Variants in RAD51B observed in about 807,000 individuals in gnomAD.
RAD51B encodes the protein DNA repair protein RAD51 homolog 2.
In RAD51B, 38 loss-of-function variants were observed where a neutral mutation model predicts 42.2. The ratio of observed to expected loss-of-function variants is 0.90; its 90% CI spans 0.70 to 1.18. The LOEUF is 1.18. Ranked by LOEUF, RAD51B falls within the 50% of genes most tolerant of loss-of-function variation. RAD51B has a pLI of 0.00. For missense variants in RAD51B, 373 were observed against 400.7 expected, an observed-to-expected ratio of 0.93 and a Z score of 0.59; for synonymous variants, 154 against 145.2, an observed-to-expected ratio of 1.06 and a Z score of -0.43.
At chr14:67,938,752 G>C (rs761732763) in intron 7 of RAD51B, among the ~76,000 whole-genome samples, 1 of 152,210 alleles carries the variant, frequency 6.6e-6, no homozygotes, top group African/African-American at 2.4e-5. Flanking sequence ...ACTTGTGTGC[G>C]TGACAGTGTG....
chr14:67,970,746 C>T (rs2074881351), intron 7 of RAD51B, among the ~76,000 whole-genome samples: 1 of 152,060 alleles, frequency 6.6e-6, no homozygotes, highest in Admixed American at 6.6e-5. Flanking sequence ...TGAAAAATCA[C>T]TGTTGTTCTT....
intron 7 of RAD51B, among the ~76,000 whole-genome samples, chr14:68,209,543 AT>A (rs995692672): frequency 4.0e-5 from 6 of 151,610 alleles, no homozygotes; most frequent in Admixed American, 6.6e-5. Context: ...TGCCTTGTTC[AT>A]TTTTTTTTCC....
intron 10 of RAD51B, among the ~76,000 whole-genome samples, chr14:68,544,835 T>C (rs1888138468): frequency 6.6e-6 from 1 of 152,184 alleles, no homozygotes; most frequent in Admixed American, 6.5e-5. Flanking sequence ...TGAAGTTTTT[T>C]CATGGTTGGT....
At chr14:68,046,497 G>A (rs1170581345) in intron 7 of RAD51B, among the ~76,000 whole-genome samples, 2 of 152,236 alleles carry the variant, frequency 1.3e-5, no homozygotes, top group Non-Finnish European at 1.5e-5. Context: ...CCAGCACTTT[G>A]GGAGGCCGAG....
chr14:68,059,013 T>C (rs986811688), intron 7 of RAD51B, among the ~76,000 whole-genome samples: 6 of 152,154 alleles, frequency 3.9e-5, no homozygotes, highest in African/African-American at 1.4e-4. Flanking sequence ...TGATAACCCC[T>C]CTAAGCCTCC....
intron 7 of RAD51B, among the ~76,000 whole-genome samples, chr14:68,270,910 A>C (rs1566774208): frequency 6.6e-6 from 1 of 152,154 alleles, no homozygotes. Context: ...ATATTTGTAC[A>C]TGAGATAAGA....
chr14:67,840,571 T>G (rs972712016), intron 4 of RAD51B, among the ~76,000 whole-genome samples: 4 of 152,338 alleles, frequency 2.6e-5, no homozygotes, highest in Non-Finnish European at 5.9e-5. Context: ...TTTGCTATTG[T>G]GGATACTGTG....
chr14:68,380,148 C>G (rs934512816), intron 8 of RAD51B, among the ~76,000 whole-genome samples: 1 of 152,158 alleles, frequency 6.6e-6, no homozygotes, highest in Non-Finnish European at 1.5e-5. Context: ...GAGATGTTCT[C>G]GTGCTTAAAG....
At chr14:67,825,350 C>T (rs1440342239) in intron 2 of RAD51B, 114 bp from the exon 3 acceptor site, 4 of 614,786 alleles carry the variant, frequency 6.5e-6, no homozygotes, top group Non-Finnish European at 1.1e-5. Flanking sequence ...AATCTTTGAT[C>T]TGCGATAAAT....
At chr14:68,077,244 CTG>C (rs1315430302) in intron 7 of RAD51B, among the ~76,000 whole-genome samples, 1 of 152,156 alleles carries the variant, frequency 6.6e-6, no homozygotes, top group African/African-American at 2.4e-5. Flanking sequence ...ATGATTTAGA[CTG>C]TTTGTTGTCA....
Position 68,594,609 on chromosome 14 carries a change from T to G in RAD51B, c.*6T>G, listed in dbSNP as rs2140084406. Reference sequence around the variant, plus strand: ...ATACCCAGCTAATTTTTTAATTTTTTGTAGAGGTGGGGTCTCATTATGTTG... The same window carrying G: ...ATACCCAGCTAATTTTTTAATTTTTGGTAGAGGTGGGGTCTCATTATGTTG... On this transcript the variant is annotated 3_prime_UTR_variant, in exon 11 of 11. Coordinates refer to the RAD51B transcript ENST00000487270. 7.8e-7 allele frequency: 1 copy of G among 1,290,018 alleles called. No homozygotes were observed. The highest frequency in any genetic ancestry group is 1.0e-6 in the Non-Finnish European group (1 of 980,902). The allele number at this position is 1,290,018 out of a possible 1,614,324, so 79.9% of individuals were successfully genotyped here. A position where few individuals can be genotyped will look rare whatever the true frequency, so the allele number is the denominator to read the frequency against.
At chr14:68,242,584 C>G (rs2141005047) in intron 7 of RAD51B, among the ~76,000 whole-genome samples, 1 of 152,250 alleles carries the variant, frequency 6.6e-6, no homozygotes, top group African/African-American at 2.4e-5. Context: ...AGGACTTTGC[C>G]TTACTTCATC....
intron 10 of RAD51B, among the ~76,000 whole-genome samples, chr14:68,476,719 C>G (rs1362245091): frequency 6.6e-6 from 1 of 152,194 alleles, no homozygotes; most frequent in African/African-American, 2.4e-5. Context: ...CTTCTGTTTC[C>G]TCACACATGC....
chr14:68,259,159 T>A (rs912997958), intron 7 of RAD51B, among the ~76,000 whole-genome samples: 4 of 152,162 alleles, frequency 2.6e-5, no homozygotes, highest in African/African-American at 9.7e-5. Flanking sequence ...AGTGCCAGCT[T>A]CCACAAAGCT....
chr14:67,876,265 T>G (rs1161642284), intron 5 of RAD51B, among the ~76,000 whole-genome samples: 3 of 152,208 alleles, frequency 2.0e-5, no homozygotes, highest in Non-Finnish European at 4.4e-5. Context: ...TTTTAGCATA[T>G]TTATGATGCT....
At chr14:67,962,136 G>A (rs2140232282) in intron 7 of RAD51B, among the ~76,000 whole-genome samples, 1 of 152,288 alleles carries the variant, frequency 6.6e-6, no homozygotes, top group Non-Finnish European at 1.5e-5. Flanking sequence ...AAATTTAATG[G>A]TTTGGAGTGA....
rs1362363635 is a variant in RAD51B, at chr14:68,519,995, T to G, written c.1036+51745T>G. On this transcript the variant is annotated intron_variant, in intron 10 of 10. Transcript: ENST00000487270. ...GAGCTTAACTCTGCTTTCGCCTTGT[T>G]TTGCACCTGCCTGAGGGAGTGGTTT... Among the ~76,000 whole-genome samples the G allele has an allele frequency of 3.3e-5, 5 of 152,214 alleles. No homozygotes were observed. The East Asian group carries it at 7.7e-4, about 23-fold the overall frequency.
intron 10 of RAD51B, among the ~76,000 whole-genome samples, chr14:68,509,263 G>C (rs1268324158): frequency 6.6e-6 from 1 of 152,238 alleles, no homozygotes; most frequent in Non-Finnish European, 1.5e-5. Flanking sequence ...GTTGTCAAGT[G>C]GTCGTGTGGC....
chr14:68,251,819 A>G (rs1330315073), intron 7 of RAD51B, among the ~76,000 whole-genome samples: 1 of 152,238 alleles, frequency 6.6e-6, no homozygotes, highest in Non-Finnish European at 1.5e-5. Context: ...TGACATGCTA[A>G]TACAGTTATG....
Sources: gnomAD v4.1 joint callset for allele counts (sites outside exome capture counted in the v4.1 genomes callset) on GRCh38, gnomAD v4.1.1 for gene constraint, MANE v1.5 for transcripts, NCBI Gene and HGNC (gene_info 2026-07-23, HGNC 2026-07-21) for gene names.